Variants in ASIC2 observed in about 807,000 individuals in gnomAD.
ASIC2 encodes acid sensing ion channel subunit 2, also known as acid-sensing ion channel 2.
Under a neutral mutation model 57.3 loss-of-function variants are expected in ASIC2, and 25 were observed. That is an observed-to-expected ratio of 0.44 (90% CI 0.32 to 0.61). ASIC2 has a LOEUF of 0.61. Ranked by LOEUF, ASIC2 falls within the 20% of genes least tolerant of loss-of-function variation. ASIC2 has a pLI of 0.06. For synonymous variants in ASIC2, 319 were observed against 307.5 expected (o/e 1.04, Z -0.39); for missense variants, 641 against 738.1 (o/e 0.87, Z 1.52).
intron 1 of ASIC2, among the ~76,000 whole-genome samples, chr17:33,967,022 C>T (rs999211570): frequency 3.3e-5 from 5 of 152,042 alleles, no homozygotes; most frequent in East Asian, 1.9e-4. Flanking sequence ...CACTCTATGT[C>T]GCCAAAAGCA....
intron 1 of ASIC2, chr17:34,038,817 C>A: frequency 1.9e-6 from 3 of 1,612,118 alleles, no homozygotes; most frequent in Non-Finnish European, 2.5e-6. Context: ...GCAGGAGGGG[C>A]CTGACCCATG....
intron 1 of ASIC2, among the ~76,000 whole-genome samples, chr17:33,509,028 G>A (rs1398034083): frequency 6.6e-6 from 1 of 152,136 alleles, no homozygotes; most frequent in Admixed American, 6.5e-5. Context: ...TTCCCAAGCT[G>A]GTTTTTGTTA....
At chr17:33,623,242 T>TTTTG (rs142797034) in intron 1 of ASIC2, among the ~76,000 whole-genome samples, 147 of 73,882 alleles carry the variant, frequency 2.0e-3, no homozygotes, top group South Asian at 3.5e-3. Context: ...TATCGTTTTT[T>TTTTG]TTTGTTTGTT....
intron 1 of ASIC2, among the ~76,000 whole-genome samples, chr17:33,840,257 G>T (rs1423659805): frequency 6.6e-6 from 1 of 152,166 alleles, no homozygotes; most frequent in African/African-American, 2.4e-5. Flanking sequence ...GACATGCTGG[G>T]CAGACCACAC....
intron 1 of ASIC2, among the ~76,000 whole-genome samples, chr17:33,969,636 G>A (rs1412787754): frequency 6.6e-6 from 1 of 152,222 alleles, no homozygotes; most frequent in Non-Finnish European, 1.5e-5. Flanking sequence ...ATGTGAACAT[G>A]CTGCAGAGTT....
intron 1 of ASIC2, among the ~76,000 whole-genome samples, chr17:33,813,232 A>G (rs1191058333): frequency 6.6e-6 from 1 of 152,124 alleles, no homozygotes; most frequent in Non-Finnish European, 1.5e-5. Context: ...AGCCCAGACT[A>G]GGGATATTAG....
At chr17:33,213,411 G>T (rs984603080) in intron 1 of ASIC2, among the ~76,000 whole-genome samples, 5 of 152,234 alleles carry the variant, frequency 3.3e-5, no homozygotes, top group African/African-American at 1.2e-4. Context: ...TCAGCAGTGG[G>T]TGTGTTAGTG....
chr17:33,860,299 TG>T (rs1449276840), intron 1 of ASIC2, among the ~76,000 whole-genome samples: 4 of 152,038 alleles, frequency 2.6e-5, no homozygotes, highest in African/African-American at 9.7e-5. Flanking sequence ...ATTCTTAAGA[TG>T]GGGGTATAAA....
At chr17:33,264,160 T>C (rs1009474203) in intron 1 of ASIC2, among the ~76,000 whole-genome samples, 2 of 152,228 alleles carry the variant, frequency 1.3e-5, no homozygotes, top group Non-Finnish European at 2.9e-5. Context: ...CAGCATGACA[T>C]CTGCCAAACA....
intron 1 of ASIC2, among the ~76,000 whole-genome samples, chr17:33,687,392 T>C (rs1159494): frequency 0.53 from 80,582 of 152,016 alleles, 22,390 homozygotes; most frequent in African/African-American, 0.7. Flanking sequence ...GGTGGCAAGC[T>C]ACCATGGGCT....
At chr17:34,038,557 T>C (rs1907980226) in intron 1 of ASIC2, 1 of 1,609,838 alleles carries the variant, frequency 6.2e-7, no homozygotes, top group South Asian at 1.1e-5. Flanking sequence ...ACAACAAATA[T>C]CTGTCATTTA....
intron 1 of ASIC2, among the ~76,000 whole-genome samples, chr17:33,864,892 C>T (rs768130311): frequency 3.3e-5 from 5 of 152,006 alleles, no homozygotes; most frequent in Non-Finnish European, 2.9e-5. Flanking sequence ...CAAAAACATG[C>T]CAGGAAAACC....
intron 1 of ASIC2, among the ~76,000 whole-genome samples, chr17:33,123,829 G>T (rs2092312626): frequency 1.3e-5 from 2 of 152,094 alleles, no homozygotes; most frequent in Admixed American, 6.6e-5. Context: ...TTACACACCT[G>T]CTGGGAATAT....
In ASIC2 at chr17:33,228,859, A is replaced by T. The variant is rs1171229085; in HGVS notation, c.708+62549T>A. On this transcript the variant is annotated intron_variant, in intron 1 of 9. Transcript: ENST00000225823. Reference sequence around the variant, plus strand: ...CTTCCAGGAGGAAACAAGGACACAAAGGTGGCACACCTGCCTCCCAAGTTC... The same window carrying T: ...CTTCCAGGAGGAAACAAGGACACAATGGTGGCACACCTGCCTCCCAAGTTC... Among the ~76,000 whole-genome samples, 5 of 152,360 alleles carry T rather than the reference A, an allele frequency of 3.3e-5. No individual in the cohort carries two copies. The East Asian group carries it at 9.6e-4, about 29-fold the overall frequency.
intron 1 of ASIC2, among the ~76,000 whole-genome samples, chr17:33,724,388 GTTCTGAGCCGAC>G (rs1454497872): frequency 6.6e-6 from 1 of 152,210 alleles, no homozygotes; most frequent in African/African-American, 2.4e-5. Flanking sequence ...TCATTGGAAA[GTTCTGAGCCGAC>G]TTACGTCTGG....
chr17:33,943,401 G>T (rs1916234839), intron 1 of ASIC2, among the ~76,000 whole-genome samples: 1 of 152,168 alleles, frequency 6.6e-6, no homozygotes, highest in Admixed American at 6.5e-5. Context: ...GAAATGAAGA[G>T]AGAATATGAT....
At chr17:33,983,918 C>T (rs1189876006) in intron 1 of ASIC2, among the ~76,000 whole-genome samples, 2 of 152,192 alleles carry the variant, frequency 1.3e-5, no homozygotes, top group Non-Finnish European at 2.9e-5. Context: ...CTTAAAATGC[C>T]AGTAATGCCC....
chr17:33,369,274 T>G (rs965073494), intron 1 of ASIC2, among the ~76,000 whole-genome samples: 2 of 152,132 alleles, frequency 1.3e-5, no homozygotes, highest in African/African-American at 4.8e-5. Flanking sequence ...AGCAGAGTAT[T>G]TCTCTAGTAC....
intron 1 of ASIC2, among the ~76,000 whole-genome samples, chr17:33,780,160 G>A (rs548477495): frequency 3.3e-5 from 5 of 151,810 alleles, no homozygotes; most frequent in Admixed American, 1.3e-4. Context: ...TGGTAGAGAC[G>A]GGGTTTTGCT....
Sources: allele counts gnomAD v4.1 joint callset (sites outside exome capture counted in the v4.1 genomes callset), GRCh38; gene constraint gnomAD v4.1.1; transcripts MANE v1.5; gene names NCBI Gene and HGNC (gene_info 2026-07-23, HGNC 2026-07-21).